Variants in GRID2 observed in about 807,000 individuals in gnomAD.
The protein encoded by GRID2 is glutamate ionotropic receptor delta type subunit 2, also known as glutamate receptor ionotropic, delta-2.
Under a neutral mutation model 114.8 loss-of-function variants are expected in GRID2, and 33 were observed. That is an observed-to-expected ratio of 0.29 (90% CI 0.22 to 0.38). The LOEUF is 0.38. Ranked by LOEUF, GRID2 falls within the 10% of genes least tolerant of loss-of-function variation. GRID2 has a pLI of 1.00. For synonymous variants in GRID2, 505 were observed against 449.9 expected, an observed-to-expected ratio of 1.12 and a Z score of -1.55; for missense variants, 1,184 against 1,257.7, an observed-to-expected ratio of 0.94 and a Z score of 0.89.
chr4:92,825,369 A>G (rs568545899), intron 2 of GRID2, among the ~76,000 whole-genome samples: 35 of 152,268 alleles, frequency 2.3e-4, no homozygotes, highest in African/African-American at 7.9e-4. Context: ...AAGTTACATG[A>G]ACATAAGCAG....
chr4:92,984,618 A>G (rs1754398198), intron 2 of GRID2, among the ~76,000 whole-genome samples: 1 of 152,196 alleles, frequency 6.6e-6, no homozygotes, highest in African/African-American at 2.4e-5. Context: ...CATTTCGAGT[A>G]AGGAATCCAT....
chr4:92,535,832 G>A (rs896247228), intron 1 of GRID2, among the ~76,000 whole-genome samples: 1 of 152,080 alleles, frequency 6.6e-6, no homozygotes, highest in Non-Finnish European at 1.5e-5. Flanking sequence ...CTTTTGGCGG[G>A]TTCGTCGTCT....
At chr4:92,326,601 G>T (rs1258776115) in intron 1 of GRID2, among the ~76,000 whole-genome samples, 3 of 151,910 alleles carry the variant, frequency 2.0e-5, no homozygotes, top group Admixed American at 2.0e-4. Context: ...TGTTATTCAT[G>T]GTCACCTATA....
chr4:93,730,171 T>C (rs1429503251), intron 14 of GRID2, among the ~76,000 whole-genome samples: 1 of 151,964 alleles, frequency 6.6e-6, no homozygotes, highest in Non-Finnish European at 1.5e-5. Context: ...GATTGAAGAG[T>C]CATCAGGTTA....
Position 93,008,182 on chromosome 4 carries a change from TG to T in GRID2, c.245-76811del, listed in dbSNP as rs1721760388. Among the ~76,000 whole-genome samples the T allele has an allele frequency of 2.0e-5, 3 of 152,138 alleles. No individual in the cohort carries two copies. In the South Asian group the frequency reaches 6.2e-4, roughly 32 times the overall value. ...TCTTAACTTTCTCTCAAAGAGCTGA[TG>T]GTACTCTCTGCAAAATTCTTCTAAA... On this transcript the variant is annotated intron_variant, in intron 2 of 15. Transcript: ENST00000282020.
intron 2 of GRID2, among the ~76,000 whole-genome samples, chr4:93,015,857 C>T (rs2149238551): frequency 6.6e-6 from 1 of 151,828 alleles, no homozygotes; most frequent in South Asian, 2.1e-4. Flanking sequence ...AGCAGGCAAA[C>T]CTCAACCCCC....
Position 92,632,725 on chromosome 4 carries a change from A to C in GRID2, c.244+42439A>C, listed in dbSNP as rs77799143. 8.6e-3 allele frequency among the ~76,000 whole-genome samples: 1,307 copies of C among 151,788 alleles called. 16 individuals carry two copies. Among genetic ancestry groups the C allele is most frequent in the East Asian group, 0.066 (337 of 5,130 alleles). On this transcript the variant is annotated intron_variant, in intron 2 of 15. Transcript: ENST00000282020. The stretch of plus-strand genomic sequence containing the variant: ...AGGGAAGGAAGGGAAGGAGTGAAGA[A>C]AGGGAAGGAAGGGAAGAAGTGAAGG...
chr4:92,492,368 A>T (rs145004414), intron 1 of GRID2, among the ~76,000 whole-genome samples: 6 of 152,316 alleles, frequency 3.9e-5, no homozygotes, highest in African/African-American at 1.4e-4. Flanking sequence ...AAAGTGGGAC[A>T]ATTTTTTGAC....
chr4:92,655,380 A>C (rs917573860), intron 2 of GRID2, among the ~76,000 whole-genome samples: 1 of 151,808 alleles, frequency 6.6e-6, no homozygotes, highest in Non-Finnish European at 1.5e-5. Flanking sequence ...GTGTTGTTCT[A>C]TACTAATTTT....
chr4:93,731,401 C>T (rs1239476858), intron 14 of GRID2, among the ~76,000 whole-genome samples: 1 of 152,128 alleles, frequency 6.6e-6, no homozygotes, highest in African/African-American at 2.4e-5. Context: ...CAGGAATCAT[C>T]CACTAGTCTA....
chr4:92,702,350 T>A lies in GRID2; in HGVS notation c.244+112064T>A, dbSNP rs560325869. 245 of 152,278 alleles carry A rather than the reference T, an allele frequency of 1.6e-3. 1 individual carries two copies. Among genetic ancestry groups the A allele is most frequent in the African/African-American group, 5.8e-3 (241 of 41,566 alleles). The allele number at this position is 152,278 out of a possible 1,614,324, so 9.4% of individuals were successfully genotyped here. A position where few individuals can be genotyped will look rare whatever the true frequency, so the allele number is the denominator to read the frequency against. Reference sequence around the variant, plus strand: ...CAATGAATCTTCTTAACAACATGCCTATAATCAACCTCCTACTACTTATAT... The same window carrying A: ...CAATGAATCTTCTTAACAACATGCCAATAATCAACCTCCTACTACTTATAT... On this transcript the variant is annotated intron_variant, in intron 2 of 15. Coordinates refer to ENST00000282020, the MANE Select transcript of GRID2 (RefSeq NM_001510.4).
At chr4:93,717,602 CT>C (rs1729007686) in intron 14 of GRID2, among the ~76,000 whole-genome samples, 1 of 151,992 alleles carries the variant, frequency 6.6e-6, no homozygotes, top group East Asian at 1.9e-4. Flanking sequence ...CAGATGTTTT[CT>C]TTTTTGTGTG....
chr4:93,396,671 A>T lies in GRID2; in HGVS notation c.1347+963A>T, dbSNP rs562605498. Among the ~76,000 whole-genome samples, 13 of 152,176 alleles carry T rather than the reference A, an allele frequency of 8.5e-5. No individual in the cohort carries two copies. In the East Asian group the frequency reaches 2.5e-3, roughly 29 times the overall value. On this transcript the variant is annotated intron_variant, in intron 9 of 15. Transcript: ENST00000282020. The stretch of plus-strand genomic sequence containing the variant: ...AGAGTCTACTGTATACCTGGGAAAG[A>T]TCTGTTACAATTTCATTTACTTATT...
intron 2 of GRID2, among the ~76,000 whole-genome samples, chr4:93,031,239 T>C (rs993408176): frequency 3.9e-5 from 6 of 151,992 alleles, no homozygotes; most frequent in Non-Finnish European, 8.8e-5. Context: ...AGAGACTGGG[T>C]TTCACCATAT....
Position 92,863,721 on chromosome 4 carries a change from C to A in GRID2, c.245-221274C>A, listed in dbSNP as rs116473715. Among the ~76,000 whole-genome samples, 543 of 152,142 alleles carry A rather than the reference C, an allele frequency of 3.6e-3. 2 individuals carry two copies. Among genetic ancestry groups the A allele is most frequent in the African/African-American group, 0.012 (518 of 41,522 alleles). On this transcript the variant is annotated intron_variant, in intron 2 of 15. Coordinates refer to ENST00000282020, the MANE Select transcript of GRID2 (RefSeq NM_001510.4). ...ATGTCGGGAAGTATAGCTGAAAATT[C>A]CGTGCCACAGGATTTTAGAGTGGAG...
At chr4:92,645,284 T>C (rs978261938) in intron 2 of GRID2, among the ~76,000 whole-genome samples, 4 of 151,792 alleles carry the variant, frequency 2.6e-5, no homozygotes, top group African/African-American at 9.7e-5. Context: ...TAGTTTGTTT[T>C]TGTAGTTTTC....
intron 2 of GRID2, among the ~76,000 whole-genome samples, chr4:93,069,267 GTA>G (rs1728595930): frequency 6.6e-6 from 1 of 151,060 alleles, no homozygotes; most frequent in African/African-American, 2.4e-5. Flanking sequence ...ATGTGTGTGT[GTA>G]TAATATATAT....
intron 1 of GRID2, among the ~76,000 whole-genome samples, chr4:92,567,598 A>G (rs1332769062): frequency 6.6e-6 from 1 of 152,044 alleles, no homozygotes; most frequent in South Asian, 2.1e-4. Context: ...GCAGCTTTTC[A>G]GGACACTCTT....
chr4:92,578,113 CTTTTTCTTATTA>C (rs1295427204), intron 1 of GRID2, among the ~76,000 whole-genome samples: 3 of 92,530 alleles, frequency 3.2e-5, no homozygotes, highest in Non-Finnish European at 7.4e-5. Flanking sequence ...TCTTCTTCTT[CTTTTTCTTATTA>C]TTATTATTAC....
Sources: gnomAD v4.1 joint callset for allele counts (sites outside exome capture counted in the v4.1 genomes callset) on GRCh38, gnomAD v4.1.1 for gene constraint, MANE v1.5 for transcripts, NCBI Gene and HGNC (gene_info 2026-07-23, HGNC 2026-07-21) for gene names.